Variants in CMPK1 observed in about 807,000 individuals in gnomAD.
CMPK1 encodes cytidine/uridine monophosphate kinase 1.
In CMPK1, 10 loss-of-function variants were observed where a neutral mutation model predicts 25.7. That is an observed-to-expected ratio of 0.39 (90% confidence interval 0.24 to 0.66). CMPK1 has a LOEUF of 0.66. CMPK1 is among the 30% of genes least tolerant of loss of function. CMPK1 has a pLI of 0.48. For synonymous variants in CMPK1, 106 were observed against 101.5 expected (o/e 1.04, Z -0.27); for missense variants, 199 against 280.5 (o/e 0.71, Z 2.08).
intron 1 of CMPK1, among the ~76,000 whole-genome samples, chr1:47,338,797 CA>C (rs1646419022): frequency 6.6e-6 from 1 of 151,850 alleles, no homozygotes; most frequent in South Asian, 2.1e-4. Context: ...GTTATAAAAT[CA>C]TGATGGGAAT....
At chr1:47,355,925 A>G (rs34192192) in intron 1 of CMPK1, among the ~76,000 whole-genome samples, 38,200 of 152,110 alleles carry the variant, frequency 0.25, 5,136 homozygotes, top group Non-Finnish European at 0.31. Context: ...TATATGCAAT[A>G]TATAGTATCC....
intron 1 of CMPK1, among the ~76,000 whole-genome samples, chr1:47,360,219 T>G (rs1335564114): frequency 1.3e-5 from 2 of 152,242 alleles, no homozygotes; most frequent in Non-Finnish European, 2.9e-5. Context: ...TCTCCATCTT[T>G]GACCATTTTC....
At position 47,345,160 on chromosome 1, in the gene CMPK1, C is replaced by T. The variant is rs141799980; in HGVS notation, c.171+11044C>T. Among the ~76,000 whole-genome samples, 811 of 152,168 alleles carry T rather than the reference C, an allele frequency of 5.3e-3. 7 individuals carry two copies. Among genetic ancestry groups the T allele is most frequent in the African/African-American group, 0.018 (766 of 41,518 alleles). On this transcript the variant is annotated intron_variant, in intron 1 of 5. Coordinates refer to ENST00000371873, the MANE Select transcript of CMPK1 (RefSeq NM_016308.3). ...CTCAAACTCCTGACCTCAGGTGATC[C>T]GCCTGCTTCAGCCTCCCAAAGTGCT...
Position 47,368,498 on chromosome 1 carries a change from A to T in CMPK1, c.201A>T (p.Gly67=), listed in dbSNP as rs555761559. 6 of 1,613,050 alleles carry T rather than the reference A, an allele frequency of 3.7e-6. No homozygotes were observed. The South Asian group carries it at 5.5e-5, about 15-fold the overall frequency. ...EKYGYTHLSA[G]ELLRDERKNP... is the part of the protein sequence containing the mutation. ...ATGGCTACACACACCTTTCTGCAGGAGAGCTGCTTCGTGATGAAAGGAAGA... is the reference window on the plus strand; with the variant it reads ...ATGGCTACACACACCTTTCTGCAGGTGAGCTGCTTCGTGATGAAAGGAAGA... Residue 67 remains glycine, a synonymous_variant, in exon 2 of 6, where the codon GGA becomes GGT. Coordinates refer to ENST00000371873, the MANE Select transcript of CMPK1 (RefSeq NM_016308.3).
At position 47,358,331 on chromosome 1, in the gene CMPK1, T is replaced by C. The variant is rs1408462566; in HGVS notation, c.172-10138T>C. 3 of 854,132 alleles carry C rather than the reference T, an allele frequency of 3.5e-6. No individual in the cohort carries two copies. In the Admixed American group the frequency reaches 7.0e-5, roughly 20 times the overall value. The allele number at this position is 854,132 out of a possible 1,614,324, so 52.9% of individuals were successfully genotyped here. A position where few individuals can be genotyped will look rare whatever the true frequency, so the allele number is the denominator to read the frequency against. Reference sequence around the variant, plus strand: ...TCTTGCTATGGTGCATAGGCTGATCTCAAACTCCTGGCCTCGAGCAACCCT... The same window carrying C: ...TCTTGCTATGGTGCATAGGCTGATCCCAAACTCCTGGCCTCGAGCAACCCT... On this transcript the variant is annotated intron_variant, in intron 1 of 5. Transcript: ENST00000371873.
intron 1 of CMPK1, among the ~76,000 whole-genome samples, chr1:47,342,139 T>C (rs1005450485): frequency 2.6e-5 from 4 of 151,864 alleles, no homozygotes; most frequent in African/African-American, 4.8e-5. Flanking sequence ...TAGAGTGCAG[T>C]GGGGTGATCT....
intron 1 of CMPK1, among the ~76,000 whole-genome samples, chr1:47,359,180 G>A (rs1646583844): frequency 6.6e-6 from 1 of 151,788 alleles, no homozygotes; most frequent in Non-Finnish European, 1.5e-5. Flanking sequence ...AGCCTGGCAT[G>A]TTGGCGGGCG....
chr1:47,363,408 A>G (rs1013226195), intron 1 of CMPK1, among the ~76,000 whole-genome samples: 2 of 152,060 alleles, frequency 1.3e-5, no homozygotes, highest in African/African-American at 4.8e-5. Flanking sequence ...CGGGTGGATC[A>G]TTTGAGGTCA....
At chr1:47,366,891 A>AT (rs1263131273) in intron 1 of CMPK1, among the ~76,000 whole-genome samples, 8 of 151,900 alleles carry the variant, frequency 5.3e-5, no homozygotes, top group Admixed American at 3.3e-4. Context: ...CACCTGGCTA[A>AT]TTTTTTGTAT....
At chr1:47,348,984 A>T (rs1013155536) in intron 1 of CMPK1, among the ~76,000 whole-genome samples, 1 of 152,154 alleles carries the variant, frequency 6.6e-6, no homozygotes, top group African/African-American at 2.4e-5. Context: ...GTATCATTTG[A>T]AGGGCAAGGG....
In CMPK1 at chr1:47,377,565, A is replaced by T. The variant is rs1646716235; in HGVS notation, c.*820A>T. The stretch of plus-strand genomic sequence containing the variant: ...ATGTGGCTAGATTTATGCTAAAATG[A>T]TTCTCAGTTAGCATTTTAGTAACAC... On this transcript the variant is annotated 3_prime_UTR_variant, in exon 6 of 6. Coordinates refer to ENST00000371873, the MANE Select transcript of CMPK1 (RefSeq NM_016308.3). 1 of 152,458 alleles carries T rather than the reference A, an allele frequency of 6.6e-6. No homozygotes were observed. Among genetic ancestry groups the T allele is most frequent in the Non-Finnish European group, 1.5e-5 (1 of 68,010 alleles). The allele number at this position is 152,458 out of a possible 1,614,324, so 9.4% of individuals were successfully genotyped here.
intron 1 of CMPK1, among the ~76,000 whole-genome samples, chr1:47,363,382 C>A (rs1646616416): frequency 6.6e-6 from 1 of 152,168 alleles, no homozygotes; most frequent in South Asian, 2.1e-4. Context: ...AATCCCAGCA[C>A]TTTGGGAGGC....
At chr1:47,354,173 A>C (rs986449711) in intron 1 of CMPK1, among the ~76,000 whole-genome samples, 2 of 152,120 alleles carry the variant, frequency 1.3e-5, no homozygotes, top group East Asian at 1.9e-4. Flanking sequence ...AAATAAAAAA[A>C]TGAAAAAATT....
intron 5 of CMPK1, 129 bp from the exon 6 acceptor site, chr1:47,376,575 C>T: frequency 2.0e-6 from 1 of 508,802 alleles, no homozygotes; most frequent in Admixed American, 3.4e-5. Flanking sequence ...CTCGACCTCC[C>T]AAAGTGCTGG....
intron 1 of CMPK1, among the ~76,000 whole-genome samples, chr1:47,355,141 G>C (rs1034911520): frequency 2.6e-5 from 4 of 151,786 alleles, no homozygotes; most frequent in African/African-American, 9.7e-5. Context: ...CTGCCTGCTG[G>C]GTTCAAGCAA....
chr1:47,345,148 C>T (rs1319770869), intron 1 of CMPK1, among the ~76,000 whole-genome samples: 2 of 152,062 alleles, frequency 1.3e-5, no homozygotes, highest in African/African-American at 4.8e-5. Flanking sequence ...AAACTCCTGA[C>T]CTCAGGTGAT....
At chr1:47,347,980 T>C (rs1404105125) in intron 1 of CMPK1, among the ~76,000 whole-genome samples, 1 of 152,176 alleles carries the variant, frequency 6.6e-6, no homozygotes, top group Non-Finnish European at 1.5e-5. Flanking sequence ...TAGTGTCACA[T>C]TGACTATTGC....
At chr1:47,369,549 T>G (rs1646661979) in intron 2 of CMPK1, among the ~76,000 whole-genome samples, 1 of 152,042 alleles carries the variant, frequency 6.6e-6, no homozygotes, top group African/African-American at 2.4e-5. Flanking sequence ...TCCCTTTCCT[T>G]TTTTCTTTTT....
chr1:47,337,597 A>G (rs555056522), intron 1 of CMPK1, among the ~76,000 whole-genome samples: 1 of 151,328 alleles, frequency 6.6e-6, no homozygotes, highest in South Asian at 2.1e-4. Context: ...AGCTGGCTAG[A>G]CAGACACTGG....
Sources: gnomAD v4.1 joint callset for allele counts (sites outside exome capture counted in the v4.1 genomes callset) on GRCh38, gnomAD v4.1.1 for gene constraint, MANE v1.5 for transcripts, NCBI Gene and HGNC (gene_info 2026-07-23, HGNC 2026-07-21) for gene names.